GRIA2: variants seen among roughly 807,000 people sequenced by gnomAD.
The protein encoded by GRIA2 is glutamate receptor 2.
In GRIA2, 14 loss-of-function variants were observed where a neutral mutation model predicts 97.3. That is an observed-to-expected ratio of 0.14 (90% CI 0.10 to 0.23). The LOEUF (loss-of-function observed/expected upper bound fraction) is 0.23, where lower values mean the gene tolerates loss of function less well. Ranked by LOEUF, GRIA2 falls within the 10% of genes least tolerant of loss-of-function variation. The pLI is 1.00. For synonymous variants in GRIA2, 412 were observed against 387.8 expected (o/e 1.06, Z -0.73); for missense variants, 558 against 1,069.8 (o/e 0.52, Z 6.67).
chr4:157,221,926 G>C (rs1199728875), intron 2 of GRIA2, 119 bp downstream of exon 2: 8 of 910,338 alleles, frequency 8.8e-6, no homozygotes, highest in Admixed American at 1.9e-5. Flanking sequence ...GTGTGGGTGT[G>C]AGTGACTGCA....
chr4:157,344,226 T>C (rs1486177725), intron 12 of GRIA2, among the ~76,000 whole-genome samples: 1 of 152,136 alleles, frequency 6.6e-6, no homozygotes, highest in Non-Finnish European at 1.5e-5. Flanking sequence ...AATATGTCTA[T>C]TGGCTGTAGT....
chr4:157,255,330 A>T (rs572313443), intron 2 of GRIA2, among the ~76,000 whole-genome samples: 1 of 152,088 alleles, frequency 6.6e-6, no homozygotes, highest in East Asian at 1.9e-4. Context: ...CGTTTATTTC[A>T]TATCTTTGCT....
chr4:157,239,366 T>G (rs1730396211), intron 2 of GRIA2, among the ~76,000 whole-genome samples: 1 of 152,066 alleles, frequency 6.6e-6, no homozygotes, highest in South Asian at 2.1e-4. Flanking sequence ...ATGTGCAATT[T>G]TTGTTTATTT....
intron 2 of GRIA2, among the ~76,000 whole-genome samples, chr4:157,271,480 C>T (rs962857025): frequency 8.6e-5 from 13 of 152,034 alleles, no homozygotes; most frequent in South Asian, 4.1e-4. Flanking sequence ...CTTACATTTA[C>T]AGGTTTATTA....
intron 2 of GRIA2, among the ~76,000 whole-genome samples, chr4:157,262,960 A>G (rs1414485718): frequency 6.6e-6 from 1 of 152,118 alleles, no homozygotes; most frequent in Non-Finnish European, 1.5e-5. Context: ...ACCAAGTTAT[A>G]CTTTTATAAA....
chr4:157,331,923 G>A (rs1014974283), intron 6 of GRIA2, among the ~76,000 whole-genome samples: 2 of 152,014 alleles, frequency 1.3e-5, no homozygotes, highest in African/African-American at 4.8e-5. Context: ...CACAAAGTCA[G>A]TATGGTACAG....
chr4:157,247,877 T>C (rs995349582), intron 2 of GRIA2, among the ~76,000 whole-genome samples: 4 of 152,008 alleles, frequency 2.6e-5, no homozygotes, highest in Non-Finnish European at 5.9e-5. Flanking sequence ...CATCAACACT[T>C]TTCTGGAAGA....
At chr4:157,253,615 A>G (rs1372497385) in intron 2 of GRIA2, among the ~76,000 whole-genome samples, 1 of 152,138 alleles carries the variant, frequency 6.6e-6, no homozygotes, top group Non-Finnish European at 1.5e-5. Context: ...ATAGAATACT[A>G]GAACTTAAAA....
intron 12 of GRIA2, among the ~76,000 whole-genome samples, chr4:157,352,718 T>TAAAAAA (rs571562254): frequency 1.1e-5 from 1 of 92,660 alleles, no homozygotes; most frequent in African/African-American, 4.5e-5. Flanking sequence ...AGACTCCATC[T>TAAAAAA]AAAAAAAAAA....
intron 2 of GRIA2, among the ~76,000 whole-genome samples, chr4:157,225,440 G>A (rs571298861): frequency 2.0e-5 from 3 of 151,174 alleles, no homozygotes; most frequent in Non-Finnish European, 2.9e-5. Flanking sequence ...TTGTTCAAAC[G>A]TAAGCCTTCA....
At chr4:157,244,771 G>A (rs952171094) in intron 2 of GRIA2, among the ~76,000 whole-genome samples, 1 of 151,864 alleles carries the variant, frequency 6.6e-6, no homozygotes, top group Admixed American at 6.6e-5. Flanking sequence ...CATTGTGAAT[G>A]ATATAAAAAA....
intron 2 of GRIA2, among the ~76,000 whole-genome samples, chr4:157,289,348 A>T (rs1732989747): frequency 6.6e-6 from 1 of 151,908 alleles, no homozygotes; most frequent in South Asian, 2.1e-4. Context: ...CAGTGCCCCC[A>T]AATGTTACAT....
intron 2 of GRIA2, among the ~76,000 whole-genome samples, chr4:157,300,074 C>T (rs932299784): frequency 7.3e-5 from 11 of 150,362 alleles, no homozygotes; most frequent in African/African-American, 1.5e-4. Flanking sequence ...GTTTATGACA[C>T]GTTATTTCTG....
chr4:157,353,579 G>A, intron 12 of GRIA2, among the ~76,000 whole-genome samples: 1 of 152,010 alleles, frequency 6.6e-6, no homozygotes, highest in East Asian at 1.9e-4. Context: ...GGGAGGCTGA[G>A]GCAGGAGAAT....
In GRIA2 at chr4:157,223,656, A is replaced by G. The variant is rs117655413; in HGVS notation, c.229+1849A>G. 5.8e-4 allele frequency among the ~76,000 whole-genome samples: 89 copies of G among 152,298 alleles called. No individual in the cohort carries two copies. The East Asian group carries it at 0.01, about 18-fold the overall frequency. On this transcript the variant is annotated intron_variant, in intron 2 of 15. Coordinates refer to ENST00000264426, the MANE Select transcript of GRIA2 (RefSeq NM_001083619.3). ...TGTGTGTAATTGTATACTTATGTGA[A>G]AATGCTTTGAAAAGTAATGACTCCT...
intron 2 of GRIA2, among the ~76,000 whole-genome samples, chr4:157,300,282 TG>T (rs1481333892): frequency 6.6e-6 from 1 of 152,212 alleles, no homozygotes; most frequent in Non-Finnish European, 1.5e-5. Context: ...ATGCTGCCTA[TG>T]CTAAATTGGG....
chr4:157,327,881 A>G (rs4691394), intron 6 of GRIA2, among the ~76,000 whole-genome samples: 130,114 of 152,034 alleles, frequency 0.86, 55,840 homozygotes, highest in East Asian at 1. Context: ...AATTAGTGTC[A>G]TGCATTAAAT....
At chr4:157,301,658 G>A (rs780044127) in intron 2 of GRIA2, among the ~76,000 whole-genome samples, 32 of 152,148 alleles carry the variant, frequency 2.1e-4, no homozygotes, top group Non-Finnish European at 3.2e-4. Context: ...AGCAATGCTC[G>A]TATTCATGAA....
chr4:157,296,893 T>C (rs1733372163), intron 2 of GRIA2, among the ~76,000 whole-genome samples: 1 of 152,162 alleles, frequency 6.6e-6, no homozygotes, highest in Admixed American at 6.6e-5. Flanking sequence ...TCACAGTTTA[T>C]GGGCAAACTA....
Sources: gnomAD v4.1 joint callset for allele counts (sites outside exome capture counted in the v4.1 genomes callset) on GRCh38, gnomAD v4.1.1 for gene constraint, MANE v1.5 for transcripts, NCBI Gene and HGNC (gene_info 2026-07-23, HGNC 2026-07-21) for gene names.